Variants in NLRC4 observed in about 807,000 individuals in gnomAD.
The protein encoded by NLRC4 is NLR family CARD domain-containing protein 4.
NLRC4 carries 63 observed loss-of-function variants against 79.9 expected under a neutral mutation model. The ratio of observed to expected loss-of-function variants is 0.79; its 90% CI spans 0.64 to 0.97. The LOEUF is 0.97. Ranked by LOEUF, NLRC4 falls within the 50% of genes least tolerant of loss-of-function variation. The pLI is 0.00. For missense variants in NLRC4, 1,074 were observed against 1,215.2 expected (o/e 0.88, Z 1.73); for synonymous variants, 461 against 456.5 (o/e 1.01, Z -0.12).
rs540441756 is a variant in NLRC4, at chr2:32,228,065, A to G, written c.2783-3300T>C. ...ATTCAGCAACATCTTTAGTGCTACT[A>G]TGTGCTGCGGATTATGCTGGGTGCT... On this transcript the variant is annotated intron_variant, in intron 8 of 8. Transcript: ENST00000402280. 1.4e-4 allele frequency among the ~76,000 whole-genome samples: 22 copies of G among 152,280 alleles called. No individual in the cohort carries two copies. The East Asian group carries it at 3.1e-3, about 21-fold the overall frequency.
chr2:32,262,014 G>C (rs1687363746), intron 1 of NLRC4, among the ~76,000 whole-genome samples: 1 of 152,140 alleles, frequency 6.6e-6, no homozygotes, highest in Non-Finnish European at 1.5e-5. Flanking sequence ...CAGGGAGGCG[G>C]AGGTTGCAGT....
At chr2:32,227,387 G>T (rs953799062) in intron 8 of NLRC4, among the ~76,000 whole-genome samples, 5 of 152,126 alleles carry the variant, frequency 3.3e-5, no homozygotes, top group Non-Finnish European at 7.3e-5. Context: ...CACCTCCTCT[G>T]TTCCTTGGAG....
chr2:32,236,646 C>G (rs898636113), intron 6 of NLRC4, among the ~76,000 whole-genome samples: 3 of 152,126 alleles, frequency 2.0e-5, no homozygotes, highest in Non-Finnish European at 4.4e-5. Context: ...CACTTGGTCT[C>G]TCTAAGCCTC....
intron 1 of NLRC4, among the ~76,000 whole-genome samples, chr2:32,262,523 C>A (rs896726840): frequency 1.3e-5 from 2 of 152,048 alleles, no homozygotes; most frequent in Non-Finnish European, 2.9e-5. Flanking sequence ...GCTTGTAATC[C>A]CAGTGCTTGG....
At chr2:32,253,791 C>T (rs551251770) in intron 2 of NLRC4, among the ~76,000 whole-genome samples, 9 of 151,888 alleles carry the variant, frequency 5.9e-5, no homozygotes, top group Admixed American at 5.9e-4. Flanking sequence ...ATGGAGAAAC[C>T]TTGTCTCTAC....
chr2:32,251,204 G>T lies in NLRC4; in HGVS notation c.660C>A (p.Leu220=). The T allele has an allele frequency of 6.2e-7, 1 of 1,614,162 alleles. No individual in the cohort carries two copies. ...TCCTGATTGTGCCAGGTATATCCAG[G>T]AGTTGATCACAGAGGGTTTCAAAAA... ...GGLFETLCDQ[L]LDIPGTIRKQ... Residue 220 remains leucine (L), a synonymous_variant, in exon 4 of 9, where the codon CTC becomes CTA. Coordinates refer to ENST00000402280, the MANE Select transcript of NLRC4 (RefSeq NM_001199138.2).
chr2:32,237,070 T>A (rs1054319742), intron 6 of NLRC4, among the ~76,000 whole-genome samples: 8 of 152,298 alleles, frequency 5.3e-5, no homozygotes, highest in African/African-American at 1.9e-4. Context: ...TGGAAAACTA[T>A]TTTGCATGCA....
chr2:32,251,677 G>C (rs191752376), intron 3 of NLRC4, 76 bp from the exon 4 acceptor site: 2 of 955,144 alleles, frequency 2.1e-6, no homozygotes, highest in Non-Finnish European at 3.2e-6. Flanking sequence ...GAGGATGAAC[G>C]GGGGGGTGAG....
intron 4 of NLRC4, 130 bp downstream of exon 4, chr2:32,249,477 C>T: frequency 1.3e-6 from 1 of 762,714 alleles, no homozygotes; most frequent in Non-Finnish European, 2.1e-6. Context: ...TGTTTCTCAG[C>T]CTGTGGGATG....
At chr2:32,255,011 A>G (rs982828678) in intron 2 of NLRC4, among the ~76,000 whole-genome samples, 5 of 151,580 alleles carry the variant, frequency 3.3e-5, no homozygotes, top group Admixed American at 2.0e-4. Flanking sequence ...TGCACCATCA[A>G]TCACTCCAAG....
Position 32,250,639 on chromosome 2 carries a change from C to T in NLRC4, c.1225G>A (p.Glu409Lys), listed in dbSNP as rs144123569. The change falls in exon 4 of 9, where the codon GAA (glutamate) becomes AAA (lysine). Residue 409 changes from glutamate to lysine, a missense_variant. Transcript: ENST00000402280. This position sits in a 1 kb window ranked among gnomAD's most constrained non-coding sequence, Gnocchi z 4.9. ...TTCACGCTGGACACATCCTGCAGTT[C>T]GAAATCAAACTTGTGGGAGAACACA... Reference protein sequence around the residue: ...EGVFSHKFDFELQDVSSVNED... With the variant: ...EGVFSHKFDFKLQDVSSVNED... 12 of 1,614,102 alleles carry T rather than the reference C, an allele frequency of 7.4e-6. No individual in the cohort carries two copies. The highest frequency in any genetic ancestry group is 4.4e-5 in the South Asian group (4 of 91,070).
intron 3 of NLRC4, among the ~76,000 whole-genome samples, chr2:32,251,925 A>G (rs1236562098): frequency 6.6e-6 from 1 of 152,238 alleles, no homozygotes; most frequent in African/African-American, 2.4e-5. Context: ...AATTGTCATC[A>G]TAGTAGGCCT....
intron 8 of NLRC4, among the ~76,000 whole-genome samples, chr2:32,230,224 C>G (rs548311517): frequency 1.4e-4 from 22 of 152,088 alleles, no homozygotes; most frequent in Non-Finnish European, 2.8e-4. Flanking sequence ...AAATAGGAGA[C>G]GCTGAGTACT....
chr2:32,246,234 T>A (rs1686933554), intron 4 of NLRC4, among the ~76,000 whole-genome samples: 1 of 152,032 alleles, frequency 6.6e-6, no homozygotes, highest in Non-Finnish European at 1.5e-5. Context: ...TGGCAAACAT[T>A]AAAAAATAAT....
intron 1 of NLRC4, among the ~76,000 whole-genome samples, chr2:32,261,776 A>T: frequency 6.6e-6 from 1 of 152,144 alleles, no homozygotes; most frequent in East Asian, 1.9e-4. Context: ...TTAACAATAT[A>T]AAAAATTGTC....
intron 5 of NLRC4, among the ~76,000 whole-genome samples, chr2:32,238,609 T>G (rs1356749136): frequency 1.3e-5 from 2 of 152,200 alleles, no homozygotes; most frequent in East Asian, 3.9e-4. Flanking sequence ...ATTCTTTACA[T>G]GAATGAAGTC....
chr2:32,250,820 C>T lies in NLRC4; in HGVS notation c.1044G>A (p.Gln348=), dbSNP rs567746291. ...PLFVVITCAI[Q]MGESEFHSHT... is the part of the protein sequence containing the mutation. ...GAGAGTGGAACTCACTTTCACCCAT[C>T]TGGATTGCACAAGTGATGACCACAA... is the stretch of plus-strand genomic sequence containing the variant. Residue 348 remains glutamine, a synonymous_variant, in exon 4 of 9, where the codon CAG becomes CAA. Transcript: ENST00000402280. The surrounding 1 kb of genome is among the most constrained non-coding windows in gnomAD (Gnocchi z 4.9). 5.0e-6 allele frequency: 8 copies of T among 1,614,210 alleles called. No individual in the cohort carries two copies. In the African/African-American group the frequency reaches 9.3e-5, roughly 19 times the overall value.
chr2:32,251,634 CA>C (rs774891094), intron 3 of NLRC4, 33 bp from the exon 4 acceptor site: 107 of 1,438,708 alleles, frequency 7.4e-5, no homozygotes, highest in Admixed American at 4.5e-4. Context: ...AAAGAAGACC[CA>C]ATTCTGTGTC....
At chr2:32,231,461 G>GT (rs1219432463) in intron 8 of NLRC4, among the ~76,000 whole-genome samples, 10 of 150,204 alleles carry the variant, frequency 6.7e-5, no homozygotes, top group Non-Finnish European at 1.0e-4. Context: ...GGCCATAAGA[G>GT]TTTTTTTATA....
Sources: gnomAD v4.1 joint callset for allele counts (sites outside exome capture counted in the v4.1 genomes callset) on GRCh38, gnomAD v4.1.1 for gene constraint, Gnocchi (gnomAD v3.1) non-coding constraint, MANE v1.5 for transcripts, NCBI Gene and HGNC (gene_info 2026-07-23, HGNC 2026-07-21) for gene names.